DPYSL2: variants seen among roughly 807,000 people sequenced by gnomAD.
DPYSL2 encodes dihydropyrimidinase like 2, also known as dihydropyrimidinase-related protein 2.
In DPYSL2, 13 loss-of-function variants were observed where a neutral mutation model predicts 69.9. That is an observed-to-expected ratio of 0.19 (90% CI 0.12 to 0.30). DPYSL2 has a LOEUF of 0.30. Ranked by LOEUF, DPYSL2 falls within the 10% of genes least tolerant of loss-of-function variation. The pLI, the probability that DPYSL2 is intolerant of heterozygous loss-of-function variation, is 1.00. For missense variants in DPYSL2, 587 were observed against 918.9 expected (o/e 0.64, Z 4.67); for synonymous variants, 326 against 359.1 (o/e 0.91, Z 1.04).
chr8:26,575,101 T>G (rs1345894283), intron 1 of DPYSL2, among the ~76,000 whole-genome samples: 3 of 152,202 alleles, frequency 2.0e-5, no homozygotes, highest in African/African-American at 7.2e-5. Flanking sequence ...GCCCGTCTGA[T>G]TTTTGCATTT....
rs1802476397 is a variant in DPYSL2 at position 26,621,279 on chromosome 8, T to C, written c.629-2864T>C. ...CCTAAAATTTTCTGTATTTTTGAAA[T>C]TTTCTACTCAAAGAATCATATCATC... is the stretch of plus-strand genomic sequence containing the variant. On this transcript the variant is annotated intron_variant, in intron 3 of 13. Coordinates refer to ENST00000521913, the MANE Select transcript of DPYSL2 (RefSeq NM_001197293.3). The surrounding 1 kb of genome is among the most constrained non-coding windows in gnomAD (Gnocchi z 4.9). Among the ~76,000 whole-genome samples, 1 of 152,228 alleles carries C rather than the reference T, an allele frequency of 6.6e-6. No homozygotes were observed. The highest frequency in any genetic ancestry group is 2.1e-4 in the South Asian group (1 of 4,834).
At position 26,650,604 on chromosome 8, in the gene DPYSL2, A is replaced by G. The variant is rs139638592; in HGVS notation, c.1597-1653A>G. Among the ~76,000 whole-genome samples the G allele has an allele frequency of 3.7e-3, 557 of 152,298 alleles. 9 individuals are homozygous for G. Among genetic ancestry groups the G allele is most frequent in the African/African-American group, 0.012 (517 of 41,560 alleles). On this transcript the variant is annotated intron_variant, in intron 11 of 13. Transcript: ENST00000521913. This position sits in a 1 kb window ranked among gnomAD's most constrained non-coding sequence, Gnocchi z 5.3. ...TATCTGAGATGCCATCGATTTTAAG[A>G]TATTCCATTAGGTTATGTACCACGA...
intron 3 of DPYSL2, among the ~76,000 whole-genome samples, chr8:26,616,009 C>G (rs2129870565): frequency 6.6e-6 from 1 of 152,316 alleles, no homozygotes. Flanking sequence ...GTAGCAGATG[C>G]TCTTCAAGCA....
rs1043417001 is a variant in DPYSL2, at chr8:26,548,116, G to A, written c.354+33437G>A. On this transcript the variant is annotated intron_variant, in intron 1 of 13. Transcript: ENST00000521913. ...GGACATTATTTTGGGATATCACTCC[G>A]GGAGAAGGTGCTGGAGAGGATAAAG... The A allele has an allele frequency of 2.7e-5, 6 of 220,002 alleles. No homozygotes were observed. In the East Asian group the frequency reaches 5.4e-4, roughly 20 times the overall value. The allele number at this position is 220,002 out of a possible 1,614,324, so 13.6% of individuals were successfully genotyped here.
At chr8:26,542,481 G>A (rs572269998) in intron 1 of DPYSL2, among the ~76,000 whole-genome samples, 2 of 152,060 alleles carry the variant, frequency 1.3e-5, no homozygotes, top group Non-Finnish European at 2.9e-5. Context: ...GAGTGTAGTG[G>A]CATGATCATA....
At chr8:26,581,292 C>T (rs981098083) in intron 1 of DPYSL2, among the ~76,000 whole-genome samples, 6 of 151,876 alleles carry the variant, frequency 4.0e-5, no homozygotes, top group Non-Finnish European at 8.8e-5. Flanking sequence ...ACATGGCTTT[C>T]CTATATGTAG....
Position 26,617,354 on chromosome 8 carries a change from G to A in DPYSL2, c.629-6789G>A, listed in dbSNP as rs1000308859. ...ATAATAATAATAATAAAATTAGACA[G>A]TGTGGTGGCGCACGCCTGTGGTCCT... On this transcript the variant is annotated intron_variant, in intron 3 of 13. Transcript: ENST00000521913. The surrounding 1 kb of genome is among the most constrained non-coding windows in gnomAD (Gnocchi z 4.7). 2.6e-5 allele frequency among the ~76,000 whole-genome samples: 4 copies of A among 152,154 alleles called. No homozygotes were observed. Among genetic ancestry groups the A allele is most frequent in the African/African-American group, 9.7e-5 (4 of 41,434 alleles).
chr8:26,514,531 G>C lies in DPYSL2; in HGVS notation c.206G>C (p.Arg69Pro). Reference protein sequence around the residue: ...RGSGQVVAQQRDVAHLGPDPQ... With the variant: ...RGSGQVVAQQPDVAHLGPDPQ... ...TCGGGGCAGGTGGTGGCTCAGCAGCGGGACGTCGCCCACTTGGGCCCGGAC... is the reference window on the plus strand; with the variant it reads ...TCGGGGCAGGTGGTGGCTCAGCAGCCGGACGTCGCCCACTTGGGCCCGGAC... Residue 69 changes from arginine (R) to proline (P), a missense_variant, in exon 1 of 14, where the codon CGG becomes CCG. Coordinates refer to ENST00000521913, the MANE Select transcript of DPYSL2 (RefSeq NM_001197293.3). The surrounding 1 kb of genome is among the most constrained non-coding windows in gnomAD (Gnocchi z 8.4). 6.5e-7 allele frequency: 1 copy of C among 1,529,986 alleles called. No individual in the cohort carries two copies. Among genetic ancestry groups the C allele is most frequent in the East Asian group, 2.5e-5 (1 of 40,422 alleles). 94.8% of individuals were successfully genotyped at this position (1,529,986 alleles called of 1,614,324 possible).
rs1279794824 is a variant in DPYSL2, at chr8:26,514,421, G to A, written c.96G>A (p.Gln32=). The A allele has an allele frequency of 2.0e-6, 3 of 1,518,228 alleles. No homozygotes were observed. The East Asian group carries it at 7.7e-5, about 39-fold the overall frequency. 94.0% of individuals were successfully genotyped at this position (1,518,228 alleles called of 1,614,324 possible). A position where few individuals can be genotyped will look rare whatever the true frequency, so the allele number is the denominator to read the frequency against. ...GCTCCGGCAGCCCCAAGCCCCGGCAGAAATTCTGTGGCATGTTCTGCCCGG... is the reference window on the plus strand; with the variant it reads ...GCTCCGGCAGCCCCAAGCCCCGGCAAAAATTCTGTGGCATGTTCTGCCCGG... ...NLGSGSPKPR[Q]KFCGMFCPVE... The change falls in exon 1 of 14, where the codon CAG becomes CAA. Residue 32 remains glutamine, a synonymous_variant. Coordinates refer to ENST00000521913, the MANE Select transcript of DPYSL2 (RefSeq NM_001197293.3). The surrounding 1 kb of genome is among the most constrained non-coding windows in gnomAD (Gnocchi z 8.4).
intron 10 of DPYSL2, among the ~76,000 whole-genome samples, chr8:26,645,375 T>C (rs1585570767): frequency 1.3e-5 from 2 of 152,016 alleles, no homozygotes; most frequent in African/African-American, 4.8e-5. Flanking sequence ...AACTCCAGAC[T>C]GGGGGACACA....
At chr8:26,535,436 G>A (rs1277366648) in intron 1 of DPYSL2, among the ~76,000 whole-genome samples, 1 of 152,056 alleles carries the variant, frequency 6.6e-6, no homozygotes, top group African/African-American at 2.4e-5. Flanking sequence ...GCACGGGCTG[G>A]CACATAAGAA....
intron 1 of DPYSL2, among the ~76,000 whole-genome samples, chr8:26,520,561 TTCTG>T (rs756752256): frequency 2.4e-4 from 37 of 152,192 alleles, no homozygotes; most frequent in Admixed American, 2.0e-3. Flanking sequence ...ATTGCTGACA[TTCTG>T]TCTATCATTT....
rs1585569113 is a variant in DPYSL2, at chr8:26,643,279, T to G, written c.1127-160T>G. 1 of 722,762 alleles carries G rather than the reference T, an allele frequency of 1.4e-6. No individual in the cohort carries two copies. The highest frequency in any genetic ancestry group is 3.1e-5 in the East Asian group (1 of 32,638). 44.8% of individuals were successfully genotyped at this position (722,762 alleles called of 1,614,324 possible). ...CAGGCTGGCAGAGGTACTGAATTTC[T>G]CCAAGTCTCAGTTTCCTCATCTGCG... On this transcript the variant is annotated intron_variant, in intron 8 of 13. Transcript: ENST00000521913. This position sits in a 1 kb window ranked among gnomAD's most constrained non-coding sequence, Gnocchi z 6.5.
In DPYSL2 at chr8:26,598,086, G is replaced by C. The variant is rs1801905769; in HGVS notation, c.628+14103G>C. 6.6e-6 allele frequency among the ~76,000 whole-genome samples: 1 copy of C among 152,162 alleles called. No individual in the cohort carries two copies. The highest frequency in any genetic ancestry group is 2.1e-4 in the South Asian group (1 of 4,834). ...ATGTCTTGCATAATAGGGTTGCTTT[G>C]AGGATCCAGGGAGGTGGTGGCTATG... On this transcript the variant is annotated intron_variant, in intron 3 of 13. Transcript: ENST00000521913. This position sits in a 1 kb window ranked among gnomAD's most constrained non-coding sequence, Gnocchi z 4.2.
At chr8:26,581,580 G>T (rs952574725) in intron 1 of DPYSL2, among the ~76,000 whole-genome samples, 2 of 151,926 alleles carry the variant, frequency 1.3e-5, no homozygotes, top group Non-Finnish European at 2.9e-5. Context: ...CACCATGTTG[G>T]CCAGGCTGGT....
chr8:26,607,341 C>G (rs186335661), intron 3 of DPYSL2, among the ~76,000 whole-genome samples: 3 of 150,732 alleles, frequency 2.0e-5, no homozygotes, highest in Non-Finnish European at 4.4e-5. Flanking sequence ...AAAAATTAAC[C>G]GGGCATGGTT....
At chr8:26,547,282 G>A (rs1198845650) in intron 1 of DPYSL2, among the ~76,000 whole-genome samples, 1 of 151,820 alleles carries the variant, frequency 6.6e-6, no homozygotes, top group Admixed American at 6.6e-5. Flanking sequence ...AAAACTGCTT[G>A]AACCCAGGAG....
chr8:26,657,464 G>C lies in DPYSL2; in HGVS notation c.*1758G>C, dbSNP rs1803417925. The C allele has an allele frequency of 6.6e-6, 1 of 152,540 alleles. No homozygotes were observed. The highest frequency in any genetic ancestry group is 1.5e-5 in the Non-Finnish European group (1 of 68,032). 9.4% of individuals were successfully genotyped at this position (152,540 alleles called of 1,614,324 possible). A position where few individuals can be genotyped will look rare whatever the true frequency, so the allele number is the denominator to read the frequency against. On this transcript the variant is annotated 3_prime_UTR_variant, in exon 14 of 14. Transcript: ENST00000521913. ...TAAAGCGTAAAAACATCACAAAGTA[G>C]GTCATTCCATCACCACCCTTGTCTC...
At chr8:26,537,277 T>C (rs1800607563) in intron 1 of DPYSL2, among the ~76,000 whole-genome samples, 1 of 152,186 alleles carries the variant, frequency 6.6e-6, no homozygotes, top group Non-Finnish European at 1.5e-5. Flanking sequence ...ACCCTCCACG[T>C]TCCTATTTAG....
Sources: gnomAD v4.1 joint callset for allele counts (sites outside exome capture counted in the v4.1 genomes callset) on GRCh38, gnomAD v4.1.1 for gene constraint, Gnocchi (gnomAD v3.1) non-coding constraint, MANE v1.5 for transcripts, NCBI Gene and HGNC (gene_info 2026-07-23, HGNC 2026-07-21) for gene names.